The following MPPE1 variants were observed in gnomAD, a reference collection of about 807,000 sequenced individuals.
MPPE1 encodes metallophosphoesterase 1, also known as metallo phosphoesterase.
MPPE1 carries 28 observed loss-of-function variants against 43.8 expected under a neutral mutation model. The observed-to-expected ratio is 0.64, with a 90% CI of 0.47 to 0.88. The LOEUF is 0.88. Ranked by LOEUF, MPPE1 falls within the 40% of genes least tolerant of loss-of-function variation. The probability of loss-of-function intolerance (pLI) is 0.00; values close to 1 mark genes in which losing one functional copy is unlikely to be tolerated. For synonymous variants in MPPE1, 159 were observed against 188.5 expected (o/e 0.84, Z 1.28); for missense variants, 428 against 492.2 (o/e 0.87, Z 1.23).
intron 1 of MPPE1, among the ~76,000 whole-genome samples, chr18:11,906,778 C>T (rs968943895): frequency 5.5e-5 from 8 of 146,070 alleles, no homozygotes; most frequent in African/African-American, 7.8e-5. Context: ...CGCTTGAATG[C>T]GGGAGGCGGA....
chr18:11,887,774 A>G (rs2037507941), intron 6 of MPPE1, among the ~76,000 whole-genome samples: 1 of 152,258 alleles, frequency 6.6e-6, no homozygotes, highest in Non-Finnish European at 1.5e-5. Flanking sequence ...GATCAGCAGT[A>G]TGATAAGCTG....
At chr18:11,890,850 C>T (rs1028426549) in intron 4 of MPPE1, among the ~76,000 whole-genome samples, 1 of 152,060 alleles carries the variant, frequency 6.6e-6, no homozygotes, top group Non-Finnish European at 1.5e-5. Context: ...GTGGCATTCC[C>T]CTATGGCTAC....
chr18:11,905,133 C>T (rs1173725497), intron 2 of MPPE1: 1 of 152,092 alleles, frequency 6.6e-6, no homozygotes, highest in Non-Finnish European at 1.5e-5. Flanking sequence ...ATGGCAAAAC[C>T]CCGTCTCTAC....
Position 11,886,333 on chromosome 18 carries a change from T to G in MPPE1, c.867+166A>C. The G allele has an allele frequency of 1.3e-5, 12 of 889,284 alleles. No homozygotes were observed. Among genetic ancestry groups the G allele is most frequent in the East Asian group, 2.5e-5 (1 of 40,518 alleles). The allele number at this position is 889,284 out of a possible 1,614,324, so 55.1% of individuals were successfully genotyped here. On this transcript the variant is annotated intron_variant, in intron 9 of 10. Coordinates refer to ENST00000588072, the MANE Select transcript of MPPE1 (RefSeq NM_023075.6). This position sits in a 1 kb window ranked among gnomAD's most constrained non-coding sequence, Gnocchi z 4.1. ...AAAAAAAAGCGATTAAATGAAAATC[T>G]GAGATACTGTGAAAGCCAGGCCTCC... is the stretch of plus-strand genomic sequence containing the variant.
At chr18:11,898,708 C>T (rs1386617469) in intron 2 of MPPE1, among the ~76,000 whole-genome samples, 1 of 152,108 alleles carries the variant, frequency 6.6e-6, no homozygotes, top group Non-Finnish European at 1.5e-5. Flanking sequence ...CTCAACTGAT[C>T]CTATGACCCC....
intron 10 of MPPE1, chr18:11,884,866 C>A: frequency 7.4e-7 from 1 of 1,352,410 alleles, no homozygotes; most frequent in African/African-American, 1.5e-5. Context: ...TGGAAAATGT[C>A]TGGGACACTG....
rs2036775570 is a variant in MPPE1 at position 11,883,557 on chromosome 18, C to T, written c.*888G>A. 1 of 153,646 alleles carries T rather than the reference C, an allele frequency of 6.5e-6. No homozygotes were observed. Among genetic ancestry groups the T allele is most frequent in the Non-Finnish European group, 1.5e-5 (1 of 68,042 alleles). The allele number at this position is 153,646 out of a possible 1,614,324, so 9.5% of individuals were successfully genotyped here. A position where few individuals can be genotyped will look rare whatever the true frequency, so the allele number is the denominator to read the frequency against. On this transcript the variant is annotated 3_prime_UTR_variant, in exon 11 of 11. Transcript: ENST00000588072. The stretch of plus-strand genomic sequence containing the variant: ...CCACTTTTTAAGTTTCTTTTGATCA[C>T]TGACAGGCATTAACAGATGTAGCAA...
At position 11,889,417 on chromosome 18, in the gene MPPE1, G is replaced by T; in HGVS notation, c.464C>A (p.Ala155Asp). Reference sequence around the variant, plus strand: ...ATGGAAGCCAATGTCATGGTTTCCAGCAACTACCTTCAGCTGTACATGACT... The same window carrying T: ...ATGGAAGCCAATGTCATGGTTTCCATCAACTACCTTCAGCTGTACATGACT... ...HPSHVQLKVVAGNHDIGFHYE... is the reference protein window; with the variant it reads ...HPSHVQLKVVDGNHDIGFHYE... Residue 155 changes from alanine to aspartate, a missense_variant, in exon 5 of 11, where the codon GCT (alanine) becomes GAT (aspartate). By Grantham distance (126) the Ala-to-Asp change is moderately radical. This residue lies in a region of MPPE1 where 379 missense variants were observed against 402.5 expected (regional missense o/e 0.94). Coordinates refer to ENST00000588072, the MANE Select transcript of MPPE1 (RefSeq NM_023075.6). 8 of 1,612,878 alleles carry T rather than the reference G, an allele frequency of 5.0e-6. No individual in the cohort carries two copies. Among genetic ancestry groups the T allele is most frequent in the Non-Finnish European group, 6.8e-6 (8 of 1,179,430 alleles).
intron 2 of MPPE1, among the ~76,000 whole-genome samples, chr18:11,903,497 C>T (rs1417437915): frequency 6.6e-6 from 1 of 152,088 alleles, no homozygotes; most frequent in African/African-American, 2.4e-5. Flanking sequence ...CCTATAAAGT[C>T]CTAGGATTAC....
chr18:11,894,752 A>G (rs1449753475), intron 3 of MPPE1, among the ~76,000 whole-genome samples: 1 of 151,660 alleles, frequency 6.6e-6, no homozygotes, highest in Non-Finnish European at 1.5e-5. Flanking sequence ...CACCACACCC[A>G]GCTAATTTTG....
intron 3 of MPPE1, among the ~76,000 whole-genome samples, chr18:11,896,251 G>A (rs115174338): frequency 0.051 from 7,779 of 151,820 alleles, 373 homozygotes; most frequent in African/African-American, 0.13. Flanking sequence ...ACAGGCGCCC[G>A]CCATCATGCT....
rs940060701 is a variant in MPPE1 at position 11,886,374 on chromosome 18, G to A, written c.867+125C>T. On this transcript the variant is annotated intron_variant, in intron 9 of 10. Coordinates refer to ENST00000588072, the MANE Select transcript of MPPE1 (RefSeq NM_023075.6). This position sits in a 1 kb window ranked among gnomAD's most constrained non-coding sequence, Gnocchi z 4.1. ...CCAGGCCTCCACCCCTGTCCCCCCAGGTGATAACTAAGTCATGAACGTTTC... is the reference window on the plus strand; with the variant it reads ...CCAGGCCTCCACCCCTGTCCCCCCAAGTGATAACTAAGTCATGAACGTTTC... The A allele has an allele frequency of 1.5e-6, 2 of 1,350,866 alleles. No homozygotes were observed. Among genetic ancestry groups the A allele is most frequent in the Non-Finnish European group, 2.1e-6 (2 of 956,012 alleles). 83.7% of individuals were successfully genotyped at this position (1,350,866 alleles called of 1,614,324 possible).
At chr18:11,891,116 A>C (rs2037947422) in intron 4 of MPPE1, 1 of 152,218 alleles carries the variant, frequency 6.6e-6, no homozygotes, top group South Asian at 2.1e-4. Flanking sequence ...GGCAAAACTT[A>C]AGGAAATATG....
intron 2 of MPPE1, among the ~76,000 whole-genome samples, chr18:11,900,861 TGC>T (rs1567970173): frequency 6.1e-5 from 9 of 148,500 alleles, no homozygotes; most frequent in Non-Finnish European, 1.2e-4. Context: ...GAGCCGAGAT[TGC>T]GCCACTGCAC....
intron 2 of MPPE1, among the ~76,000 whole-genome samples, chr18:11,904,262 A>G (rs2039481791): frequency 6.6e-6 from 1 of 151,994 alleles, no homozygotes; most frequent in African/African-American, 2.4e-5. Flanking sequence ...TCCTGAGAAG[A>G]CCCTAATAAC....
In MPPE1 at chr18:11,884,428, A is replaced by G; in HGVS notation, c.*17T>C. 6.2e-7 allele frequency: 1 copy of G among 1,609,530 alleles called. No homozygotes were observed. Among genetic ancestry groups the G allele is most frequent in the Non-Finnish European group, 8.5e-7 (1 of 1,176,918 alleles). ...TTCCATTTCTTGGGCTTTGATATTT[A>G]TAATGGCGCCTGCTCTTCATCTTGT... On this transcript the variant is annotated 3_prime_UTR_variant, in exon 11 of 11. Coordinates refer to ENST00000588072, the MANE Select transcript of MPPE1 (RefSeq NM_023075.6).
intron 3 of MPPE1, among the ~76,000 whole-genome samples, chr18:11,894,449 A>AC (rs2038364184): frequency 1.3e-5 from 2 of 150,210 alleles, no homozygotes; most frequent in South Asian, 2.1e-4. Flanking sequence ...AAAAAAAAAA[A>AC]AAAAAACAGC....
At chr18:11,885,244 G>A (rs543177649) in intron 10 of MPPE1, 2 of 274,526 alleles carry the variant, frequency 7.3e-6, no homozygotes, top group East Asian at 1.2e-4. Flanking sequence ...GAGTTAAAAC[G>A]CCCAGTGGTC....
Position 11,884,293 on chromosome 18 carries a change from T to C in MPPE1, c.*152A>G. 2 of 709,222 alleles carry C rather than the reference T, an allele frequency of 2.8e-6. No individual in the cohort carries two copies. Among genetic ancestry groups the C allele is most frequent in the South Asian group, 1.8e-5 (1 of 56,462 alleles). 43.9% of individuals were successfully genotyped at this position (709,222 alleles called of 1,614,324 possible). A position where few individuals can be genotyped will look rare whatever the true frequency, so the allele number is the denominator to read the frequency against. On this transcript the variant is annotated 3_prime_UTR_variant, in exon 11 of 11. Coordinates refer to ENST00000588072, the MANE Select transcript of MPPE1 (RefSeq NM_023075.6). ...GCATGAGAACAGTACAATCAACTAT[T>C]TATTTTGCAGTTACTCATTTCAGTG...
Sources: allele counts gnomAD v4.1 joint callset (sites outside exome capture counted in the v4.1 genomes callset), GRCh38; gene constraint gnomAD v4.1.1; regional missense constraint gnomAD v4.1.1; non-coding constraint Gnocchi (gnomAD v3.1); transcripts MANE v1.5; gene names NCBI Gene and HGNC (gene_info 2026-07-23, HGNC 2026-07-21).